LRP6: variants seen among roughly 807,000 people sequenced by gnomAD.
LRP6 encodes low-density lipoprotein receptor-related protein 6.
In LRP6, 43 loss-of-function variants were observed where a neutral mutation model predicts 184.1. The observed-to-expected ratio is 0.23, with a 90% CI of 0.18 to 0.30. The LOEUF (loss-of-function observed/expected upper bound fraction) is 0.30. Among genes scored for constraint, LRP6 ranks in the 10% least tolerant of loss-of-function variants. LRP6 has a pLI of 1.00. For missense variants in LRP6, 1,571 were observed against 2,005.3 expected, an observed-to-expected ratio of 0.78 and a Z score of 4.14; for synonymous variants, 719 against 684.9, an observed-to-expected ratio of 1.05 and a Z score of -0.78.
chr12:12,261,506 C>A (rs896071715), intron 1 of LRP6, among the ~76,000 whole-genome samples: 6 of 151,938 alleles, frequency 3.9e-5, no homozygotes, highest in Admixed American at 1.3e-4. Flanking sequence ...TATTGTTTAG[C>A]CAAATGAGCA....
At chr12:12,160,057 GAA>G in intron 10 of LRP6, 93 bp from the exon 11 acceptor site, 1 of 908,608 alleles carries the variant, frequency 1.1e-6, no homozygotes, top group Non-Finnish European at 1.6e-6. Flanking sequence ...TAAATTTAAA[GAA>G]AACATACAGC....
chr12:12,251,312 T>C (rs79505585), intron 1 of LRP6, among the ~76,000 whole-genome samples: 10,618 of 152,186 alleles, frequency 0.07, 440 homozygotes, highest in Admixed American at 0.098. Context: ...TAAAACTAGA[T>C]TTTAGTTTTC....
intron 2 of LRP6, among the ~76,000 whole-genome samples, chr12:12,240,809 G>A (rs1052867571): frequency 2.6e-5 from 4 of 152,036 alleles, no homozygotes; most frequent in African/African-American, 7.2e-5. Flanking sequence ...GGTAACTGTG[G>A]AATCAGACTG....
In LRP6 at chr12:12,259,352, C is replaced by G. The variant is rs78988971; in HGVS notation, c.55+7329G>C. On this transcript the variant is annotated intron_variant, in intron 1 of 22. Coordinates refer to ENST00000261349, the MANE Select transcript of LRP6 (RefSeq NM_002336.3). ...CTTTAGGCCTGGTGTTAATAACTTA[C>G]ATAACTTAATGTAGTTTTCTGCCTA... Among the ~76,000 whole-genome samples, 1,256 of 151,564 alleles carry G rather than the reference C, an allele frequency of 8.3e-3. 9 individuals carry two copies. The highest frequency in any genetic ancestry group is 0.029 in the African/African-American group (1,190 of 41,356).
rs1334062234 is a variant in LRP6 at position 12,205,325 on chromosome 12, C to CA, written c.450-1926dup. On this transcript the variant is annotated intron_variant, in intron 2 of 22. Transcript: ENST00000261349. ...CAACAGAATAAGACTCTGTCTCAAACAAACAAAAAAAAAAAAAAAAAAAAA... is the reference window on the plus strand; with the variant it reads ...CAACAGAATAAGACTCTGTCTCAAACAAAACAAAAAAAAAAAAAAAAAAAAA... Among the ~76,000 whole-genome samples, 169 of 26,218 alleles carry CA rather than the reference C, an allele frequency of 6.4e-3. 2 individuals are homozygous for CA. The highest frequency in any genetic ancestry group is 0.014 in the African/African-American group (151 of 10,456). The allele number at this position is 26,218 out of a possible 152,430, so 17.2% of individuals were successfully genotyped here.
intron 2 of LRP6, among the ~76,000 whole-genome samples, chr12:12,204,923 C>A (rs1864013583): frequency 6.7e-6 from 1 of 149,862 alleles, no homozygotes; most frequent in Admixed American, 6.6e-5. Context: ...GCCGAGATCA[C>A]ACCATTGCAC....
intron 2 of LRP6, among the ~76,000 whole-genome samples, chr12:12,233,673 T>C (rs978964642): frequency 6.6e-6 from 1 of 152,154 alleles, no homozygotes; most frequent in African/African-American, 2.4e-5. Flanking sequence ...TAAAGCAACA[T>C]TTCTGAGACA....
intron 7 of LRP6, among the ~76,000 whole-genome samples, chr12:12,177,442 AGG>A (rs1481854146): frequency 2.6e-5 from 4 of 152,228 alleles, no homozygotes; most frequent in African/African-American, 9.6e-5. Context: ...TATCAAATCA[AGG>A]GAGATGAAAA....
In LRP6 at chr12:12,120,035, ATATAT is replaced by A. The variant is rs1949582949; in HGVS notation, c.*1086_*1090del. On this transcript the variant is annotated 3_prime_UTR_variant, in exon 23 of 23. Coordinates refer to ENST00000261349, the MANE Select transcript of LRP6 (RefSeq NM_002336.3). ...TATATATATATATATATATATATAT[ATATAT>A]ATAAATGATTTCGTACTGTGATATA... The A allele has an allele frequency of 1.6e-5, 2 of 123,838 alleles. No homozygotes were observed. The highest frequency in any genetic ancestry group is 3.4e-5 in the Non-Finnish European group (2 of 59,226). The allele number at this position is 123,838 out of a possible 1,614,324, so 7.7% of individuals were successfully genotyped here.
At chr12:12,178,810 C>G (rs1430211764) in intron 7 of LRP6, among the ~76,000 whole-genome samples, 2 of 152,110 alleles carry the variant, frequency 1.3e-5, no homozygotes, top group Non-Finnish European at 2.9e-5. Flanking sequence ...AGTATTTGAG[C>G]CTGGTGGAAT....
chr12:12,226,276 C>A (rs1591965126), intron 2 of LRP6, among the ~76,000 whole-genome samples: 1 of 152,116 alleles, frequency 6.6e-6, no homozygotes, highest in Non-Finnish European at 1.5e-5. Context: ...TATATCATAT[C>A]CAGCTTTCAA....
At chr12:12,218,370 A>C (rs998354922) in intron 2 of LRP6, among the ~76,000 whole-genome samples, 1 of 151,832 alleles carries the variant, frequency 6.6e-6, no homozygotes, top group African/African-American at 2.4e-5. Context: ...CCAGCTACTC[A>C]GGAGGCTAAA....
At chr12:12,192,596 C>G (rs530440763) in intron 3 of LRP6, among the ~76,000 whole-genome samples, 1 of 152,060 alleles carries the variant, frequency 6.6e-6, no homozygotes, top group South Asian at 2.1e-4. Context: ...CATAAGAGAG[C>G]TGGAGCAGCT....
At chr12:12,134,090 T>C (rs528983755) in intron 17 of LRP6, among the ~76,000 whole-genome samples, 1 of 152,290 alleles carries the variant, frequency 6.6e-6, no homozygotes, top group Admixed American at 6.5e-5. Flanking sequence ...ACTGAATACA[T>C]GCATTATTTA....
rs1949648792 is a variant in LRP6, at chr12:12,124,659, A to C, written c.4453T>G (p.Leu1485Val). The stretch of plus-strand genomic sequence containing the variant: ...GTGGCTGGGGATGGTGGAGGGTTCA[A>C]AATCTAAAAGAAAAAAATAATTAAA... ...STKGTYFPAI[L>V]NPPPSPATER... Residue 1485 changes from leucine to valine, a missense_variant, in exon 22 of 23, where the codon TTG becomes GTG. By Grantham distance (32) the Leu-to-Val change is conservative. Transcript: ENST00000261349. 1 of 1,597,184 alleles carries C rather than the reference A, an allele frequency of 6.3e-7. No homozygotes were observed. The highest frequency in any genetic ancestry group is 8.6e-7 in the Non-Finnish European group (1 of 1,166,360).
chr12:12,267,012 C>T lies in LRP6; in HGVS notation c.-277G>A. The T allele has an allele frequency of 2.0e-6, 1 of 501,628 alleles. No individual in the cohort carries two copies. Among genetic ancestry groups the T allele is most frequent in the South Asian group, 2.5e-5 (1 of 39,576 alleles). The allele number at this position is 501,628 out of a possible 1,614,324, so 31.1% of individuals were successfully genotyped here. A position where few individuals can be genotyped will look rare whatever the true frequency, so the allele number is the denominator to read the frequency against. On this transcript the variant is annotated 5_prime_UTR_variant, in exon 1 of 23. Transcript: ENST00000261349. Reference sequence around the variant, plus strand: ...CGCTTCCCCCGCGCAGCTCCTCATTCAGCCTCTGCCTCGCGCAGCGGCGCA... The same window carrying T: ...CGCTTCCCCCGCGCAGCTCCTCATTTAGCCTCTGCCTCGCGCAGCGGCGCA...
At chr12:12,180,919 A>G in intron 6 of LRP6, 124 bp downstream of exon 6, 1 of 983,124 alleles carries the variant, frequency 1.0e-6, no homozygotes, top group Non-Finnish European at 1.6e-6. Context: ...CCTAAAATAG[A>G]CAGCCATTAA....
At chr12:12,144,664 A>C (rs1299813368) in intron 15 of LRP6, among the ~76,000 whole-genome samples, 2 of 152,148 alleles carry the variant, frequency 1.3e-5, no homozygotes, top group African/African-American at 4.8e-5. Flanking sequence ...AACAAAAGAT[A>C]GTTTAAAATA....
chr12:12,207,363 CA>C (rs11299295), intron 2 of LRP6, among the ~76,000 whole-genome samples: 129,008 of 151,994 alleles, frequency 0.85, 54,939 homozygotes, highest in East Asian at 0.95. Flanking sequence ...ATTAAAAACA[CA>C]AAAAATTAGC....
Sources: gnomAD v4.1 joint callset for allele counts (sites outside exome capture counted in the v4.1 genomes callset) on GRCh38, gnomAD v4.1.1 for gene constraint, MANE v1.5 for transcripts, NCBI Gene and HGNC (gene_info 2026-07-23, HGNC 2026-07-21) for gene names.